Variants in DNAH12 observed in about 807,000 individuals in gnomAD.
The protein encoded by DNAH12 is axonemal beta dynein heavy chain 12.
Under a neutral mutation model 371.5 loss-of-function variants are expected in DNAH12, and 285 were observed. The ratio of observed to expected loss-of-function variants is 0.77; its 90% CI spans 0.70 to 0.85. DNAH12 has a LOEUF of 0.85. Among genes scored for constraint, DNAH12 ranks in the 40% least tolerant of loss-of-function variants. The probability of loss-of-function intolerance (pLI) is 0.00; values close to 1 mark genes in which losing one functional copy is unlikely to be tolerated. For synonymous variants in DNAH12, 1,200 were observed against 1,213.0 expected, an observed-to-expected ratio of 0.99 and a Z score of 0.22; for missense variants, 3,611 against 3,689.4, an observed-to-expected ratio of 0.98 and a Z score of 0.55.
Position 57,453,388 on chromosome 3 carries a change from A to G in DNAH12, c.3472T>C (p.Tyr1158His), listed in dbSNP as rs1220522501. The G allele has an allele frequency of 1.3e-6, 2 of 1,543,238 alleles. No homozygotes were observed. The highest frequency in any genetic ancestry group is 1.7e-6 in the Non-Finnish European group (2 of 1,144,690). Reference protein sequence around the residue: ...SGGTEGLKKYYKELQNQLNEI... With the variant: ...SGGTEGLKKYHKELQNQLNEI... ...TTCAGTTGGTTCTGAAGTTCCTTAT[A>G]ATACTTCTTTAATCCCTACAAAATA... The change falls in exon 24 of 74, where the codon TAT becomes CAT. Residue 1158 changes from tyrosine to histidine, a missense_variant. Tyr to His is a moderately conservative substitution (Grantham distance 83). This residue lies in a region of DNAH12 where 1,314 missense variants were observed against 1,398.7 expected (regional missense o/e 0.94). Coordinates refer to ENST00000495027, the MANE Select transcript of DNAH12 (RefSeq NM_001366028.2).
At chr3:57,374,754 A>C (rs1256072914) in intron 55 of DNAH12, among the ~76,000 whole-genome samples, 1 of 125,634 alleles carries the variant, frequency 8.0e-6, no homozygotes, top group African/African-American at 2.7e-5. Flanking sequence ...AACATGGATA[A>C]ATCTCAGAAA....
At chr3:57,538,395 A>G (rs1161122603) in intron 2 of DNAH12, among the ~76,000 whole-genome samples, 1 of 152,262 alleles carries the variant, frequency 6.6e-6, no homozygotes, top group African/African-American at 2.4e-5. Flanking sequence ...TGTACTACTT[A>G]CAGATCTGTA....
chr3:57,453,975 TG>T (rs1276334690), intron 23 of DNAH12, among the ~76,000 whole-genome samples: 20 of 152,058 alleles, frequency 1.3e-4, no homozygotes, highest in Middle Eastern at 3.4e-3. Flanking sequence ...CCAGATGTGG[TG>T]GTGTGTGCCT....
At chr3:57,367,226 T>C (rs891170387) in intron 56 of DNAH12, among the ~76,000 whole-genome samples, 1 of 152,052 alleles carries the variant, frequency 6.6e-6, no homozygotes, top group South Asian at 2.1e-4. Context: ...CCCAGCTACT[T>C]TGGAGGCTAA....
At chr3:57,390,787 CT>C (rs1262968000) in intron 45 of DNAH12, among the ~76,000 whole-genome samples, 67,062 of 151,468 alleles carry the variant, frequency 0.44, 16,027 homozygotes, top group East Asian at 0.61. Context: ...TTTCCTGTCT[CT>C]TGTTTTGCCC....
chr3:57,403,952 A>G (rs1031369203), intron 42 of DNAH12, among the ~76,000 whole-genome samples: 3 of 152,210 alleles, frequency 2.0e-5, no homozygotes, highest in African/African-American at 4.8e-5. Context: ...CTTAGACTAG[A>G]AAAACTTACA....
chr3:57,471,788 C>A (rs1167899462), intron 14 of DNAH12, among the ~76,000 whole-genome samples, 182 bp from the exon 15 acceptor site: 2 of 152,072 alleles, frequency 1.3e-5, no homozygotes, highest in African/African-American at 2.4e-5. Flanking sequence ...GAAAAACATT[C>A]CTAGATCTCC....
At chr3:57,528,598 G>A (rs1447980573) in intron 2 of DNAH12, among the ~76,000 whole-genome samples, 1 of 89,898 alleles carries the variant, frequency 1.1e-5, no homozygotes, top group African/African-American at 4.4e-5. Context: ...GATGGGGCAT[G>A]CCTGTAATCC....
chr3:57,380,547 C>CA (rs2063367454), intron 50 of DNAH12, among the ~76,000 whole-genome samples, 180 bp from the exon 51 acceptor site: 1 of 152,178 alleles, frequency 6.6e-6, no homozygotes, highest in African/African-American at 2.4e-5. Context: ...AATATCGGCT[C>CA]ACTGCCTCCC....
chr3:57,327,716 G>C (rs1208728719), intron 62 of DNAH12, among the ~76,000 whole-genome samples: 3 of 151,590 alleles, frequency 2.0e-5, no homozygotes, highest in Admixed American at 1.3e-4. Flanking sequence ...AACCAGAGCA[G>C]AACTGAAGGA....
At chr3:57,466,434 G>A (rs894897896) in intron 17 of DNAH12, among the ~76,000 whole-genome samples, 12 of 151,952 alleles carry the variant, frequency 7.9e-5, no homozygotes, top group Non-Finnish European at 1.8e-4. Flanking sequence ...AAAATCAGAC[G>A]GCCATGGAAT....
intron 11 of DNAH12, among the ~76,000 whole-genome samples, chr3:57,495,391 GC>G (rs2067274890): frequency 6.1e-5 from 9 of 147,926 alleles, no homozygotes; most frequent in Admixed American, 6.0e-4. Flanking sequence ...AAACCCCATG[GC>G]TACTAAAAAT....
chr3:57,421,422 G>A (rs1186872480), intron 36 of DNAH12, 96 bp downstream of exon 36: 2 of 1,194,218 alleles, frequency 1.7e-6, no homozygotes, highest in Non-Finnish European at 1.2e-6. Context: ...CTCACCGCAG[G>A]AGTCAAAATA....
intron 39 of DNAH12, among the ~76,000 whole-genome samples, chr3:57,411,150 T>C (rs890604360): frequency 1.3e-5 from 2 of 152,214 alleles, no homozygotes; most frequent in Admixed American, 6.5e-5. Context: ...TAAGCAATTA[T>C]AGCAAGCTTG....
At chr3:57,323,398 A>G (rs911290656) in intron 63 of DNAH12, 71 bp downstream of exon 63, 1 of 1,474,480 alleles carries the variant, frequency 6.8e-7, no homozygotes, top group South Asian at 1.4e-5. Context: ...ATTTATAATC[A>G]TATAAGGAAT....
chr3:57,439,200 A>C (rs903607983), intron 29 of DNAH12, among the ~76,000 whole-genome samples: 2 of 152,170 alleles, frequency 1.3e-5, no homozygotes, highest in African/African-American at 4.8e-5. Flanking sequence ...AACTAGAAAA[A>C]AATTATTCTA....
At chr3:57,419,602 A>T (rs2064501314) in intron 36 of DNAH12, 84 bp from the exon 37 acceptor site, 1 of 1,032,970 alleles carries the variant, frequency 9.7e-7, no homozygotes, top group African/African-American at 1.7e-5. Context: ...ATACTATTAT[A>T]TTAGCTTTTA....
upstream of DNAH12, among the ~76,000 whole-genome samples, chr3:57,545,279 G>A (rs761957393): frequency 1.8e-4 from 27 of 150,302 alleles, no homozygotes; most frequent in Non-Finnish European, 3.1e-4. Context: ...AAGTAGTTGG[G>A]ATTACAGGCA....
intron 22 of DNAH12, among the ~76,000 whole-genome samples, chr3:57,455,737 A>G (rs368738324): frequency 3.9e-5 from 6 of 152,292 alleles, no homozygotes; most frequent in African/African-American, 1.4e-4. Flanking sequence ...CAGGGTATAC[A>G]ATTTTACAAT....
Sources: allele counts gnomAD v4.1 joint callset (sites outside exome capture counted in the v4.1 genomes callset), GRCh38; gene constraint gnomAD v4.1.1; regional missense constraint gnomAD v4.1.1; transcripts MANE v1.5; gene names NCBI Gene and HGNC (gene_info 2026-07-23, HGNC 2026-07-21).